Variants in TM2D1 observed in about 807,000 individuals in gnomAD.
The protein encoded by TM2D1 is TM2 domain-containing protein 1.
In TM2D1, 15 loss-of-function variants were observed where a neutral mutation model predicts 28.4. The observed-to-expected ratio is 0.53, with a 90% CI of 0.35 to 0.81. TM2D1 has a LOEUF of 0.81. Ranked by LOEUF, TM2D1 falls within the 40% of genes least tolerant of loss-of-function variation. The pLI is 0.01. For missense variants in TM2D1, 236 were observed against 254.9 expected, an observed-to-expected ratio of 0.93 and a Z score of 0.50; for synonymous variants, 93 against 96.2, an observed-to-expected ratio of 0.97 and a Z score of 0.20.
At chr1:61,704,153 G>T (rs942594177) in intron 3 of TM2D1, among the ~76,000 whole-genome samples, 2 of 152,004 alleles carry the variant, frequency 1.3e-5, no homozygotes, top group African/African-American at 4.8e-5. Context: ...GCCTCCTCAA[G>T]TGCTGGGATT....
chr1:61,719,405 T>TAC (rs1440993023), intron 2 of TM2D1, among the ~76,000 whole-genome samples: 3 of 132,106 alleles, frequency 2.3e-5, no homozygotes, highest in East Asian at 4.4e-4. Flanking sequence ...AAAAAGTATA[T>TAC]ACACAGAGAG....
At chr1:61,704,000 C>G (rs947238360) in intron 3 of TM2D1, among the ~76,000 whole-genome samples, 1 of 151,750 alleles carries the variant, frequency 6.6e-6, no homozygotes, top group Non-Finnish European at 1.5e-5. Context: ...AGGTGATCCA[C>G]CCACCTTGGC....
At position 61,693,436 on chromosome 1, in the gene TM2D1, C is replaced by A. The variant is rs928383187; in HGVS notation, c.513+1261G>T. On this transcript the variant is annotated intron_variant, in intron 5 of 6. Coordinates refer to ENST00000606498, the MANE Select transcript of TM2D1 (RefSeq NM_032027.3). ...TTCTGGATATCTTAACTCAAAGAAT[C>A]CCAATAATATATTAAATTCCTTGGA... Among the ~76,000 whole-genome samples, 7 of 152,202 alleles carry A rather than the reference C, an allele frequency of 4.6e-5. No individual in the cohort carries two copies. The South Asian group carries it at 1.0e-3, about 23-fold the overall frequency.
intron 2 of TM2D1, among the ~76,000 whole-genome samples, chr1:61,711,296 T>C (rs1447937525): frequency 2.0e-5 from 3 of 149,874 alleles, no homozygotes; most frequent in Non-Finnish European, 4.4e-5. Context: ...CACCATTGCA[T>C]TCCAGCCTGG....
chr1:61,687,316 G>A (rs959646174), intron 5 of TM2D1, among the ~76,000 whole-genome samples: 9 of 152,198 alleles, frequency 5.9e-5, no homozygotes, highest in African/African-American at 2.2e-4. Context: ...AAAAGTTTTA[G>A]AAATAGATAG....
chr1:61,709,096 C>A (rs760623177), intron 3 of TM2D1, among the ~76,000 whole-genome samples: 35 of 152,154 alleles, frequency 2.3e-4, no homozygotes, highest in Non-Finnish European at 4.3e-4. Context: ...GCCTGGGAGG[C>A]AGAGGCTGAA....
intron 3 of TM2D1, among the ~76,000 whole-genome samples, chr1:61,702,827 C>T (rs910914677): frequency 6.6e-6 from 1 of 151,290 alleles, no homozygotes; most frequent in African/African-American, 2.4e-5. Flanking sequence ...ACAATGGGGC[C>T]AGCTGTGGTA....
chr1:61,722,361 C>T (rs192962022), intron 2 of TM2D1, among the ~76,000 whole-genome samples: 15 of 152,130 alleles, frequency 9.9e-5, no homozygotes, highest in East Asian at 5.8e-4. Context: ...AGATATATTA[C>T]GCTTAAAGAA....
At chr1:61,724,643 A>T (rs958824046) in intron 1 of TM2D1, among the ~76,000 whole-genome samples, 31 of 152,166 alleles carry the variant, frequency 2.0e-4, no homozygotes, top group African/African-American at 7.5e-4. Flanking sequence ...AGTGTCTAGA[A>T]CGGGGCCTGG....
intron 2 of TM2D1, among the ~76,000 whole-genome samples, chr1:61,714,128 C>T (rs1335821106): frequency 1.4e-5 from 2 of 147,414 alleles, no homozygotes; most frequent in African/African-American, 4.9e-5. Context: ...ATCTCCTGAC[C>T]TCATGATCCA....
At chr1:61,712,018 CACCATGATGTA>C (rs972863481) in intron 2 of TM2D1, among the ~76,000 whole-genome samples, 2 of 152,026 alleles carry the variant, frequency 1.3e-5, no homozygotes, top group Non-Finnish European at 2.9e-5. Flanking sequence ...AGGTGTGAGC[CACCATGATGTA>C]ACTAGCCCTA....
At chr1:61,693,928 T>G (rs1041288939) in intron 5 of TM2D1, among the ~76,000 whole-genome samples, 4 of 152,168 alleles carry the variant, frequency 2.6e-5, no homozygotes, top group Admixed American at 6.6e-5. Flanking sequence ...CCACAATCAG[T>G]TCTACATAAT....
rs913851046 is a variant in TM2D1 at position 61,721,362 on chromosome 1, C to T, written c.238+2351G>A. Among the ~76,000 whole-genome samples, 126 of 151,950 alleles carry T rather than the reference C, an allele frequency of 8.3e-4. 1 individual carries two copies. The highest frequency in any genetic ancestry group is 2.9e-3 in the African/African-American group (121 of 41,444). On this transcript the variant is annotated intron_variant, in intron 2 of 6. Coordinates refer to ENST00000606498, the MANE Select transcript of TM2D1 (RefSeq NM_032027.3). ...TTCAAGACCAACCTGGCCAATACGG[C>T]GAAACCCTGCCTCTACTAAAAATAC...
At chr1:61,685,192 C>T (rs1449140623) in intron 5 of TM2D1, among the ~76,000 whole-genome samples, 1 of 152,050 alleles carries the variant, frequency 6.6e-6, no homozygotes, top group East Asian at 1.9e-4. Flanking sequence ...AAGGAAGAAG[C>T]AATGTAAAAA....
chr1:61,686,898 G>A, intron 5 of TM2D1: 4 of 955,378 alleles, frequency 4.2e-6, no homozygotes, highest in Non-Finnish European at 5.0e-6. Context: ...ACTCCAGCCT[G>A]GGCAACAGAG....
chr1:61,710,758 G>C (rs370549114), intron 2 of TM2D1, among the ~76,000 whole-genome samples: 18 of 151,826 alleles, frequency 1.2e-4, no homozygotes, highest in African/African-American at 4.1e-4. Context: ...CCTAGAGTTT[G>C]ATTAGGAAAG....
intron 4 of TM2D1, chr1:61,699,221 G>A (rs1440824925): frequency 2.0e-5 from 3 of 151,870 alleles, no homozygotes; most frequent in Non-Finnish European, 4.4e-5. Context: ...GTACATGCCT[G>A]TAGTCCCAGC....
intron 5 of TM2D1, among the ~76,000 whole-genome samples, chr1:61,693,140 G>A (rs1299554748): frequency 6.6e-6 from 1 of 152,140 alleles, no homozygotes; most frequent in Non-Finnish European, 1.5e-5. Context: ...GGGAGGCTGA[G>A]GTGGGAGGAT....
chr1:61,724,914 C>T (rs1263713976), intron 1 of TM2D1, 43 bp downstream of exon 1: 1 of 1,540,926 alleles, frequency 6.5e-7, no homozygotes, highest in Admixed American at 2.0e-5. Flanking sequence ...GCGACCCCAA[C>T]TCTACCTCGC....
Sources: gnomAD v4.1 joint callset for allele counts (sites outside exome capture counted in the v4.1 genomes callset) on GRCh38, gnomAD v4.1.1 for gene constraint, MANE v1.5 for transcripts, NCBI Gene and HGNC (gene_info 2026-07-23, HGNC 2026-07-21) for gene names.